SLC7A11: variants seen among roughly 807,000 people sequenced by gnomAD.
SLC7A11 encodes the protein solute carrier family 7 member 11.
In SLC7A11, 35 loss-of-function variants were observed where a neutral mutation model predicts 54.5. That is an observed-to-expected ratio of 0.64 (90% confidence interval 0.49 to 0.85). SLC7A11 has a LOEUF of 0.85. Ranked by LOEUF, SLC7A11 falls within the 40% of genes least tolerant of loss-of-function variation. The pLI, the probability that SLC7A11 is intolerant of heterozygous loss-of-function variation, is 0.00. For missense variants in SLC7A11, 583 were observed against 618.1 expected, an observed-to-expected ratio of 0.94 and a Z score of 0.60; for synonymous variants, 230 against 225.2, an observed-to-expected ratio of 1.02 and a Z score of -0.19.
rs751346821 is a variant in SLC7A11, at chr4:138,180,795, G to C, written c.1117-5C>G. On this transcript the variant is annotated splice_polypyrimidine_tract_variant and splice_region_variant and intron_variant, in intron 9 of 11. Transcript: ENST00000280612. ...CATTATCATTGTCAAAGGGTGCTGA[G>C]GGGGGAAAGGGAAGCAAGCTTGGTG... 2 of 1,608,174 alleles carry C rather than the reference G, an allele frequency of 1.2e-6. No individual in the cohort carries two copies. The highest frequency in any genetic ancestry group is 2.2e-5 in the East Asian group (1 of 44,602).
chr4:138,171,948 C>A lies in SLC7A11; in HGVS notation c.*8G>T. 1.3e-6 allele frequency: 2 copies of A among 1,587,430 alleles called. No individual in the cohort carries two copies. The highest frequency in any genetic ancestry group is 1.9e-5 in the Admixed American group (1 of 53,870). On this transcript the variant is annotated 3_prime_UTR_variant, in exon 12 of 12. Transcript: ENST00000280612. ...TGGGCAGATTGCCAAGATCTCAAGTCCATTAGTTCATAACTTATCTTCTTC... is the reference window on the plus strand; with the variant it reads ...TGGGCAGATTGCCAAGATCTCAAGTACATTAGTTCATAACTTATCTTCTTC...
chr4:138,171,917 TC>T lies in SLC7A11; in HGVS notation c.*38del, dbSNP rs773565970. ...GAAGTAAAAATCCCTATTTTGTGTC[TC>T]CCCTTGGGCAGATTGCCAAGATCTC... On this transcript the variant is annotated 3_prime_UTR_variant, in exon 12 of 12. Transcript: ENST00000280612. 3 of 1,556,158 alleles carry T rather than the reference TC, an allele frequency of 1.9e-6. No individual in the cohort carries two copies. The highest frequency in any genetic ancestry group is 2.5e-5 in the South Asian group (2 of 79,670).
Position 138,182,230 on chromosome 4 carries a change from T to C in SLC7A11, c.1116+67A>G, listed in dbSNP as rs1578633873. On this transcript the variant is annotated intron_variant, in intron 9 of 11. Coordinates refer to ENST00000280612, the MANE Select transcript of SLC7A11 (RefSeq NM_014331.4). ...AAGTAAAATACTATCTAATGTCTGGTTGGAATTCCTTTTTGCTAACCTATT... is the reference window on the plus strand; with the variant it reads ...AAGTAAAATACTATCTAATGTCTGGCTGGAATTCCTTTTTGCTAACCTATT... 5.1e-6 allele frequency: 5 copies of C among 985,980 alleles called. No homozygotes were observed. In the East Asian group the frequency reaches 9.7e-5, roughly 19 times the overall value. The allele number at this position is 985,980 out of a possible 1,614,324, so 61.1% of individuals were successfully genotyped here. A position where few individuals can be genotyped will look rare whatever the true frequency, so the allele number is the denominator to read the frequency against.
At chr4:138,228,758 C>CAAAAA (rs5862371) in intron 3 of SLC7A11, among the ~76,000 whole-genome samples, 24 of 67,756 alleles carry the variant, frequency 3.5e-4, no homozygotes, top group Middle Eastern at 0.012. Context: ...GACTCCGTCT[C>CAAAAA]AAAAAAAAAA....
At chr4:138,222,394 C>T (rs1447093770) in intron 4 of SLC7A11, among the ~76,000 whole-genome samples, 1 of 152,238 alleles carries the variant, frequency 6.6e-6, no homozygotes, top group Non-Finnish European at 1.5e-5. Flanking sequence ...ACATTAAATA[C>T]TTAACATGCC....
chr4:138,227,412 T>C (rs1260230497), intron 3 of SLC7A11, among the ~76,000 whole-genome samples: 1 of 152,162 alleles, frequency 6.6e-6, no homozygotes, highest in Non-Finnish European at 1.5e-5. Flanking sequence ...GAGTGACAGT[T>C]TGTATCTAGG....
intron 1 of SLC7A11, among the ~76,000 whole-genome samples, chr4:138,237,719 ATATATATATATATATATATTTTTTT>A (rs1159485422): frequency 8.0e-3 from 60 of 7,532 alleles, no homozygotes; most frequent in African/African-American, 0.023. Context: ...ATATATATAT[ATATATATATATATATATATTTTTTT>A]TTTTTTTTTT....
chr4:138,196,451 A>G (rs1737133656), intron 6 of SLC7A11, among the ~76,000 whole-genome samples: 1 of 152,110 alleles, frequency 6.6e-6, no homozygotes, highest in Non-Finnish European at 1.5e-5. Context: ...CTAAATATAC[A>G]ACAGCCAGTT....
At chr4:138,180,567 G>A in intron 10 of SLC7A11, 74 bp downstream of exon 10, 1 of 1,465,834 alleles carries the variant, frequency 6.8e-7, no homozygotes, top group South Asian at 1.4e-5. Flanking sequence ...CTCCCCATCA[G>A]CAAGTTATGA....
intron 1 of SLC7A11, among the ~76,000 whole-genome samples, chr4:138,239,159 C>A (rs1156249172): frequency 2.0e-5 from 3 of 152,098 alleles, no homozygotes; most frequent in Non-Finnish European, 2.9e-5. Flanking sequence ...AGAAAAGGAT[C>A]CAATATAAAA....
At chr4:138,218,108 A>G (rs1173507313) in intron 5 of SLC7A11, among the ~76,000 whole-genome samples, 3 of 152,212 alleles carry the variant, frequency 2.0e-5, no homozygotes, top group Non-Finnish European at 4.4e-5. Flanking sequence ...TTATCCTCTA[A>G]TACCATATTT....
Position 138,233,188 on chromosome 4 carries a change from C to CTT in SLC7A11, c.405-808_405-807dup, listed in dbSNP as rs34001412. ...GCAAGTCTGTGCAATTATCTAATTT[C>CTT]TTTTTTTTTTTTTTGAAATGGAGTC... On this transcript the variant is annotated intron_variant, in intron 2 of 11. Transcript: ENST00000280612. 1.6e-3 allele frequency among the ~76,000 whole-genome samples: 226 copies of CTT among 142,436 alleles called. 2 individuals carry two copies. In the South Asian group the frequency reaches 0.019, roughly 12 times the overall value. 93.4% of individuals were successfully genotyped at this position (142,436 alleles called of 152,430 possible).
At chr4:138,183,444 G>T in intron 7 of SLC7A11, 139 bp from the exon 8 acceptor site, 2 of 646,418 alleles carry the variant, frequency 3.1e-6, no homozygotes, top group Non-Finnish European at 2.8e-6. Context: ...TCTTTGGTTA[G>T]GGTCAGACTA....
At chr4:138,223,411 T>A (rs985853982) in intron 3 of SLC7A11, 87 bp from the exon 4 acceptor site, 1 of 1,417,428 alleles carries the variant, frequency 7.1e-7, no homozygotes, top group African/African-American at 1.4e-5. Flanking sequence ...GGGCAATCTG[T>A]GAGGCAGCAG....
chr4:138,217,657 C>T (rs184062258), intron 5 of SLC7A11, among the ~76,000 whole-genome samples: 280 of 152,326 alleles, frequency 1.8e-3, no homozygotes, highest in Non-Finnish European at 3.2e-3. Context: ...TCAAACCTCC[C>T]TTGTGACTAT....
intron 6 of SLC7A11, among the ~76,000 whole-genome samples, chr4:138,199,949 C>G (rs1328355294): frequency 6.6e-6 from 1 of 152,080 alleles, no homozygotes; most frequent in Non-Finnish European, 1.5e-5. Context: ...GAATAAATAG[C>G]TAAACACTTA....
At chr4:138,237,306 A>G (rs1738236685) in intron 1 of SLC7A11, among the ~76,000 whole-genome samples, 1 of 151,600 alleles carries the variant, frequency 6.6e-6, no homozygotes, top group South Asian at 2.1e-4. Flanking sequence ...TTTAATTTGT[A>G]GGATATATTT....
At chr4:138,185,358 T>C in intron 6 of SLC7A11, 114 bp from the exon 7 acceptor site, 5 of 1,194,730 alleles carry the variant, frequency 4.2e-6, no homozygotes, top group East Asian at 2.4e-5. Flanking sequence ...ACAATAATTA[T>C]AGGCTCTGTT....
chr4:138,227,287 T>C (rs1737967830), intron 3 of SLC7A11, among the ~76,000 whole-genome samples: 1 of 152,208 alleles, frequency 6.6e-6, no homozygotes. Context: ...AAGTGGGTTG[T>C]TTCACTGCTG....
Sources: allele counts gnomAD v4.1 joint callset (sites outside exome capture counted in the v4.1 genomes callset), GRCh38; gene constraint gnomAD v4.1.1; transcripts MANE v1.5; gene names NCBI Gene and HGNC (gene_info 2026-07-23, HGNC 2026-07-21).